FAM180B: variants seen among roughly 807,000 people sequenced by gnomAD.
The protein encoded by FAM180B is family with sequence similarity 180 member B.
In FAM180B, 14 loss-of-function variants were observed where a neutral mutation model predicts 13.6. The ratio of observed to expected loss-of-function variants is 1.03; its 90% CI spans 0.68 to 1.60. FAM180B has a LOEUF of 1.60. FAM180B is among the 40% of genes most tolerant of loss of function. The pLI, the probability that FAM180B is intolerant of heterozygous loss-of-function variation, is 0.00. For missense variants in FAM180B, 212 were observed against 230.4 expected (o/e 0.92, Z 0.52); for synonymous variants, 109 against 97.0 (o/e 1.12, Z -0.72).
chr11:47,588,243 C>G lies in FAM180B; in HGVS notation c.361C>G (p.Leu121Val), dbSNP rs747514215. 1.3e-6 allele frequency: 2 copies of G among 1,537,018 alleles called. No individual in the cohort carries two copies. Among genetic ancestry groups the G allele is most frequent in the Non-Finnish European group, 1.7e-6 (2 of 1,146,700 alleles). ...PPLSTWDFEH[L>V]LLTGLSCVYR... ...TCTTAGCACTTGGGACTTTGAACAT[C>G]TGCTCCTCACAGGCCTGTCCTGCGT... The change falls in exon 3 of 3, where the codon CTG becomes GTG. Residue 121 changes from leucine (L) to valine (V), a missense_variant. Physicochemically the swap from Leu to Val is conservative, Grantham distance 32. Transcript: ENST00000538490.
Position 47,588,727 on chromosome 11 carries a change from T to A in FAM180B, c.*293T>A, listed in dbSNP as rs144968047. ...CAGGCAGTGTGTGTGTGAGTGTGTG[T>A]GTGTGTGTGTGTGTGTGTGTGTGTG... is the stretch of plus-strand genomic sequence containing the variant. On this transcript the variant is annotated 3_prime_UTR_variant, in exon 3 of 3. Coordinates refer to ENST00000538490, the MANE Select transcript of FAM180B (RefSeq NM_001164379.3). 2,467 of 236,676 alleles carry A rather than the reference T, an allele frequency of 0.01. 167 individuals are homozygous for A. The highest frequency in any genetic ancestry group is 0.011 in the South Asian group (128 of 11,364). The allele number at this position is 236,676 out of a possible 1,614,324, so 14.7% of individuals were successfully genotyped here. A position where few individuals can be genotyped will look rare whatever the true frequency, so the allele number is the denominator to read the frequency against.
intron 1 of FAM180B, 75 bp from the exon 2 acceptor site, chr11:47,587,676 A>T: frequency 9.5e-7 from 1 of 1,052,370 alleles, no homozygotes; most frequent in Non-Finnish European, 1.3e-6. Flanking sequence ...ACCAGGCAGC[A>T]GAGGGGCACT....
rs2097273021 is a variant in FAM180B, at chr11:47,588,459, G to A, written c.*25G>A. On this transcript the variant is annotated 3_prime_UTR_variant, in exon 3 of 3. Transcript: ENST00000538490. ...ACCCTCCTCTTTTGTTCTTTCACCT[G>A]CCATTACCCCCTCCCATCTCCTCCT... 3.6e-6 allele frequency: 5 copies of A among 1,382,032 alleles called. No individual in the cohort carries two copies. Among genetic ancestry groups the A allele is most frequent in the Non-Finnish European group, 4.8e-6 (5 of 1,035,508 alleles). The allele number at this position is 1,382,032 out of a possible 1,614,324, so 85.6% of individuals were successfully genotyped here.
chr11:47,587,021 AGGTAC>A (rs2097271951), intron 1 of FAM180B, among the ~76,000 whole-genome samples, 168 bp downstream of exon 1: 1 of 152,116 alleles, frequency 6.6e-6, no homozygotes. Flanking sequence ...AGAACTGGAA[AGGTAC>A]AGGTGACACC....
chr11:47,587,671 G>A, intron 1 of FAM180B, 80 bp from the exon 2 acceptor site: 1 of 964,264 alleles, frequency 1.0e-6, no homozygotes, highest in South Asian at 1.8e-5. Context: ...CCTCTACCAG[G>A]CAGCAGAGGG....
Position 47,588,666 on chromosome 11 carries a change from C to A in FAM180B, c.*232C>A. On this transcript the variant is annotated 3_prime_UTR_variant, in exon 3 of 3. Transcript: ENST00000538490. ...CCCAGGCTCTGGGTCGCAAGGAGTG[C>A]GCAAGGAGTGGGCACAGAGCTAAGG... 2.0e-6 allele frequency: 1 copy of A among 509,882 alleles called. No individual in the cohort carries two copies. The highest frequency in any genetic ancestry group is 3.5e-6 in the Non-Finnish European group (1 of 287,054). 31.6% of individuals were successfully genotyped at this position (509,882 alleles called of 1,614,324 possible).
rs2097271824 is a variant in FAM180B, at chr11:47,586,793, G to A, written c.25G>A (p.Val9Ile). MAATLQFL[V>I]CLVVAICLLS... The stretch of plus-strand genomic sequence containing the variant: ...CATGGCTGCGACCCTGCAGTTCCTG[G>A]TTTGCCTGGTGGTAGCCATTTGTCT... The change falls in exon 1 of 3, where the codon GTT (valine) becomes ATT (isoleucine). Residue 9 changes from valine to isoleucine, a missense_variant. Transcript: ENST00000538490. The A allele has an allele frequency of 6.5e-7, 1 of 1,537,160 alleles. No individual in the cohort carries two copies.
At position 47,588,719 on chromosome 11, in the gene FAM180B, A is replaced by AGAGT. The variant is rs149775746; in HGVS notation, c.*286_*287insAGTG. The stretch of plus-strand genomic sequence containing the variant: ...ACGACTTGCAGGCAGTGTGTGTGTG[A>AGAGT]GTGTGTGTGTGTGTGTGTGTGTGTG... On this transcript the variant is annotated 3_prime_UTR_variant, in exon 3 of 3. Coordinates refer to ENST00000538490, the MANE Select transcript of FAM180B (RefSeq NM_001164379.3). The AGAGT allele has an allele frequency of 0.32, 67,617 of 213,324 alleles. 16,700 individuals are homozygous for AGAGT. The highest frequency in any genetic ancestry group is 0.39 in the Admixed American group (6,876 of 17,546). 13.2% of individuals were successfully genotyped at this position (213,324 alleles called of 1,614,324 possible). A position where few individuals can be genotyped will look rare whatever the true frequency, so the allele number is the denominator to read the frequency against.
rs1322808938 is a variant in FAM180B at position 47,588,530 on chromosome 11, A to T, written c.*96A>T. 3 of 629,492 alleles carry T rather than the reference A, an allele frequency of 4.8e-6. No individual in the cohort carries two copies. The allele number at this position is 629,492 out of a possible 1,614,324, so 39.0% of individuals were successfully genotyped here. A position where few individuals can be genotyped will look rare whatever the true frequency, so the allele number is the denominator to read the frequency against. ...TCTTGCGCAGGGGCTTCTGTCTGGCATCTGATTCTTTTCACCGTGTTCAGA... is the reference window on the plus strand; with the variant it reads ...TCTTGCGCAGGGGCTTCTGTCTGGCTTCTGATTCTTTTCACCGTGTTCAGA... On this transcript the variant is annotated 3_prime_UTR_variant, in exon 3 of 3. Coordinates refer to ENST00000538490, the MANE Select transcript of FAM180B (RefSeq NM_001164379.3).
In FAM180B at chr11:47,588,761, TCAGGGGTCAGGGTTGAGAA is replaced by T; in HGVS notation, c.*328_*346del. On this transcript the variant is annotated 3_prime_UTR_variant, in exon 3 of 3. Transcript: ENST00000538490. ...GTGTGTGTGTGTGTGTGTGTGGAGA[TCAGGGGTCAGGGTTGAGAA>T]GTGTGTTCAAGAGATGCTGAAGGGA... 1.4e-5 allele frequency: 3 copies of T among 212,820 alleles called. No individual in the cohort carries two copies. Among genetic ancestry groups the T allele is most frequent in the Non-Finnish European group, 1.8e-5 (2 of 110,382 alleles). 13.2% of individuals were successfully genotyped at this position (212,820 alleles called of 1,614,324 possible). A position where few individuals can be genotyped will look rare whatever the true frequency, so the allele number is the denominator to read the frequency against.
rs1174143295 is a variant in FAM180B at position 47,588,370 on chromosome 11, T to C, written c.488T>C (p.Phe163Ser). ...ACACTCTGGGACCTGTGCAAAGGTT[T>C]CTGCCCCCAGGACCGGCCCCCTTCC... ...QETLWDLCKG[F>S]CPQDRPPSLG... Residue 163 changes from phenylalanine (F) to serine (S), a missense_variant, in exon 3 of 3, where the codon TTC (phenylalanine) becomes TCC (serine). By Grantham distance (155) the Phe-to-Ser change is radical. Transcript: ENST00000538490. 2 of 1,532,872 alleles carry C rather than the reference T, an allele frequency of 1.3e-6. No individual in the cohort carries two copies. The highest frequency in any genetic ancestry group is 2.0e-5 in the Admixed American group (1 of 50,868). The allele number at this position is 1,532,872 out of a possible 1,614,324, so 95.0% of individuals were successfully genotyped here.
intron 1 of FAM180B, 72 bp from the exon 2 acceptor site, chr11:47,587,679 G>A (rs2097272350): frequency 1.8e-6 from 2 of 1,096,816 alleles, no homozygotes; most frequent in African/African-American, 1.6e-5. Context: ...AGGCAGCAGA[G>A]GGGCACTTCT....
rs575997804 is a variant in FAM180B at position 47,587,854 on chromosome 11, G to A, written c.156+33G>A. The A allele has an allele frequency of 8.0e-6, 12 of 1,506,438 alleles. No individual in the cohort carries two copies. The Admixed American group carries it at 2.1e-4, about 26-fold the overall frequency. The allele number at this position is 1,506,438 out of a possible 1,614,324, so 93.3% of individuals were successfully genotyped here. A position where few individuals can be genotyped will look rare whatever the true frequency, so the allele number is the denominator to read the frequency against. On this transcript the variant is annotated intron_variant, in intron 2 of 2. Transcript: ENST00000538490. ...CTCCCAGCCTGGGACATGGGGGTGG[G>A]CACGTCCAGAGGTCCCTAAGCTCAG... is the stretch of plus-strand genomic sequence containing the variant.
chr11:47,588,284 A>C lies in FAM180B; in HGVS notation c.402A>C (p.Ala134=). The C allele has an allele frequency of 6.5e-7, 1 of 1,537,118 alleles. No individual in the cohort carries two copies. Among genetic ancestry groups the C allele is most frequent in the South Asian group, 1.2e-5 (1 of 84,058 alleles). ...TGLSCVYRLH[A]ASEAEERGRW... is the part of the protein sequence containing the mutation. ...TGTCCTGCGTCTACCGGCTCCACGC[A>C]GCTAGTGAGGCTGAGGAACGGGGCC... is the stretch of plus-strand genomic sequence containing the variant. Residue 134 remains alanine, a synonymous_variant, in exon 3 of 3, where the codon GCA becomes GCC. Coordinates refer to ENST00000538490, the MANE Select transcript of FAM180B (RefSeq NM_001164379.3).
intron 1 of FAM180B, among the ~76,000 whole-genome samples, chr11:47,587,397 T>A (rs36016346): frequency 0.036 from 5,488 of 152,216 alleles, 101 homozygotes; most frequent in Middle Eastern, 0.065. Flanking sequence ...TATCCTCAGA[T>A]GACTATAGGG....
Position 47,588,029 on chromosome 11 carries a change from C to G in FAM180B, c.157-10C>G. On this transcript the variant is annotated splice_polypyrimidine_tract_variant and intron_variant, in intron 2 of 2. Transcript: ENST00000538490. Reference sequence around the variant, plus strand: ...GCCACAGCCCACCCCTTACATGGCTCCCCTTGCAGCTGCTCTGGGCTGGGC... The same window carrying G: ...GCCACAGCCCACCCCTTACATGGCTGCCCTTGCAGCTGCTCTGGGCTGGGC... The G allele has an allele frequency of 6.6e-7, 1 of 1,521,926 alleles. No homozygotes were observed. Among genetic ancestry groups the G allele is most frequent in the Non-Finnish European group, 8.8e-7 (1 of 1,138,626 alleles). 94.3% of individuals were successfully genotyped at this position (1,521,926 alleles called of 1,614,324 possible).
rs1565945131 is a variant in FAM180B at position 47,586,706 on chromosome 11, G to A, written c.-63G>A. On this transcript the variant is annotated 5_prime_UTR_variant, in exon 1 of 3. Coordinates refer to ENST00000538490, the MANE Select transcript of FAM180B (RefSeq NM_001164379.3). ...GTGGAAAGTTGGAGCTGAGGTGTGT[G>A]GCAGGCAGATGAGGGAGCAGAGAAC... The A allele has an allele frequency of 8.2e-7, 1 of 1,216,072 alleles. No homozygotes were observed. Among genetic ancestry groups the A allele is most frequent in the African/African-American group, 1.5e-5 (1 of 66,758 alleles). 75.3% of individuals were successfully genotyped at this position (1,216,072 alleles called of 1,614,324 possible). A position where few individuals can be genotyped will look rare whatever the true frequency, so the allele number is the denominator to read the frequency against.
chr11:47,588,032 C>G lies in FAM180B; in HGVS notation c.157-7C>G. Reference sequence around the variant, plus strand: ...ACAGCCCACCCCTTACATGGCTCCCCTTGCAGCTGCTCTGGGCTGGGCTGG... The same window carrying G: ...ACAGCCCACCCCTTACATGGCTCCCGTTGCAGCTGCTCTGGGCTGGGCTGG... On this transcript the variant is annotated splice_region_variant and splice_polypyrimidine_tract_variant and intron_variant, in intron 2 of 2. Coordinates refer to ENST00000538490, the MANE Select transcript of FAM180B (RefSeq NM_001164379.3). 2 of 1,524,506 alleles carry G rather than the reference C, an allele frequency of 1.3e-6. No homozygotes were observed. The highest frequency in any genetic ancestry group is 2.4e-5 in the South Asian group (2 of 81,984). 94.4% of individuals were successfully genotyped at this position (1,524,506 alleles called of 1,614,324 possible).
chr11:47,586,698 AGGTGTGTG>A lies in FAM180B; in HGVS notation c.-69_-62del. The A allele has an allele frequency of 9.0e-7, 1 of 1,110,410 alleles. No individual in the cohort carries two copies. Among genetic ancestry groups the A allele is most frequent in the South Asian group, 1.3e-5 (1 of 75,580 alleles). 68.8% of individuals were successfully genotyped at this position (1,110,410 alleles called of 1,614,324 possible). On this transcript the variant is annotated 5_prime_UTR_variant, in exon 1 of 3. Transcript: ENST00000538490. ...AGCCCGCAGTGGAAAGTTGGAGCTG[AGGTGTGTG>A]GCAGGCAGATGAGGGAGCAGAGAAC... is the stretch of plus-strand genomic sequence containing the variant.
Sources: gnomAD v4.1 joint callset for allele counts (sites outside exome capture counted in the v4.1 genomes callset) on GRCh38, gnomAD v4.1.1 for gene constraint, MANE v1.5 for transcripts, NCBI Gene and HGNC (gene_info 2026-07-23, HGNC 2026-07-21) for gene names.